Variants in ASPSCR1 observed in about 807,000 individuals in gnomAD.
The protein encoded by ASPSCR1 is tether containing UBX domain for GLUT4.
In ASPSCR1, 55 loss-of-function variants were observed where a neutral mutation model predicts 68.9. The ratio of observed to expected loss-of-function variants is 0.80; its 90% CI spans 0.64 to 1.00. ASPSCR1 has a LOEUF of 1.00. Among genes scored for constraint, ASPSCR1 ranks in the 50% least tolerant of loss-of-function variants. The probability of loss-of-function intolerance (pLI) is 0.00; values close to 1 mark genes in which losing one functional copy is unlikely to be tolerated. For synonymous variants in ASPSCR1, 352 were observed against 332.6 expected, an observed-to-expected ratio of 1.06 and a Z score of -0.63; for missense variants, 765 against 762.2, an observed-to-expected ratio of 1.00 and a Z score of -0.04.
intron 12 of ASPSCR1, 98 bp downstream of exon 12, chr17:82,012,381 G>T: frequency 1.4e-6 from 2 of 1,411,632 alleles, no homozygotes; most frequent in Non-Finnish European, 9.9e-7. Flanking sequence ...GGCCTGGCAG[G>T]CGCTGGGGCA....
chr17:82,014,833 T>G, intron 12 of ASPSCR1: 1 of 575,418 alleles, frequency 1.7e-6, no homozygotes. Flanking sequence ...GCGGCTGGAT[T>G]TGGGGCCCCA....
rs9901214 is a variant in ASPSCR1 at position 81,990,752 on chromosome 17, G to C, written c.375-4069G>C. Among the ~76,000 whole-genome samples the C allele has an allele frequency of 8.0e-4, 122 of 152,296 alleles. No homozygotes were observed. The highest frequency in any genetic ancestry group is 2.9e-3 in the African/African-American group (119 of 41,566). On this transcript the variant is annotated intron_variant, in intron 4 of 15. Coordinates refer to ENST00000306739, the MANE Select transcript of ASPSCR1 (RefSeq NM_024083.4). This position sits in a 1 kb window ranked among gnomAD's most constrained non-coding sequence, Gnocchi z 4.1. ...TCCTGGAGGCACCCGGAGGAGGAAA[G>C]GGAGTACCTTTCTGACCAGCATCTT...
chr17:81,992,288 C>T (rs575964833), intron 4 of ASPSCR1, among the ~76,000 whole-genome samples: 10 of 152,260 alleles, frequency 6.6e-5, no homozygotes, highest in East Asian at 5.8e-4. Flanking sequence ...GAATTTCCCC[C>T]GGGCCCTGGC....
rs1012792377 is a variant in ASPSCR1 at position 81,983,920 on chromosome 17, C to G, written c.273+252C>G. Among the ~76,000 whole-genome samples the G allele has an allele frequency of 6.6e-6, 1 of 151,514 alleles. No homozygotes were observed. Among genetic ancestry groups the G allele is most frequent in the African/African-American group, 2.4e-5 (1 of 41,190 alleles). ...TCGCCCAGGCTGGAGCTCAGTGGCG[C>G]AGTCTCGGCTCACTTCAAGCTCCGC... On this transcript the variant is annotated intron_variant, in intron 3 of 15. Coordinates refer to ENST00000306739, the MANE Select transcript of ASPSCR1 (RefSeq NM_024083.4). This position sits in a 1 kb window ranked among gnomAD's most constrained non-coding sequence, Gnocchi z 4.4.
Position 82,009,495 on chromosome 17 carries a change from G to A in ASPSCR1, c.1098G>A (p.Leu366=). Residue 366 remains leucine (L), a synonymous_variant, in exon 9 of 16, where the codon CTG becomes CTA. Coordinates refer to ENST00000306739, the MANE Select transcript of ASPSCR1 (RefSeq NM_024083.4). ...LAQLKSERKR[L]EEAPLVTKAF... ...CCCCTCCTCACCACAGGAAGCGCCT[G>A]GAAGAAGCCCCCTTGGTGACCAAGG... 3 of 1,580,804 alleles carry A rather than the reference G, an allele frequency of 1.9e-6. No individual in the cohort carries two copies. Among genetic ancestry groups the A allele is most frequent in the Non-Finnish European group, 2.6e-6 (3 of 1,163,474 alleles).
rs1241250779 is a variant in ASPSCR1 at position 81,986,010 on chromosome 17, C to T, written c.374+403C>T. ...AGGCAGGGTCTCACTATGTTGGTCACCTAGGCTGCTCTTGAACCCATGGGC... is the reference window on the plus strand; with the variant it reads ...AGGCAGGGTCTCACTATGTTGGTCATCTAGGCTGCTCTTGAACCCATGGGC... On this transcript the variant is annotated intron_variant, in intron 4 of 15. Transcript: ENST00000306739. This position sits in a 1 kb window ranked among gnomAD's most constrained non-coding sequence, Gnocchi z 5.2. 6.6e-6 allele frequency among the ~76,000 whole-genome samples: 1 copy of T among 152,084 alleles called. No homozygotes were observed. The highest frequency in any genetic ancestry group is 1.5e-5 in the Non-Finnish European group (1 of 68,018).
intron 4 of ASPSCR1, 62 bp from the exon 5 acceptor site, chr17:81,994,759 G>A: frequency 2.6e-6 from 4 of 1,539,568 alleles, no homozygotes; most frequent in Non-Finnish European, 3.6e-6. Context: ...CTGCCCCAGG[G>A]CCTCCGTGGC....
intron 8 of ASPSCR1, 125 bp from the exon 9 acceptor site, chr17:82,009,361 C>G: frequency 1.5e-6 from 2 of 1,357,698 alleles, no homozygotes; most frequent in East Asian, 2.5e-5. Context: ...GCGTCCAGAC[C>G]TTCCTGCCTT....
In ASPSCR1 at chr17:81,996,661, C is replaced by A; in HGVS notation, c.748C>A (p.Gln250Lys). The A allele has an allele frequency of 6.2e-7, 1 of 1,612,746 alleles. No homozygotes were observed. The highest frequency in any genetic ancestry group is 1.1e-5 in the South Asian group (1 of 91,050). The stretch of plus-strand genomic sequence containing the variant: ...CTTTGTTCCTTTCTCGGGTGGGGGA[C>A]AGAGACTGGGGGGCCCTCCTGGGCC... ...APFVPFSGGG[Q>K]RLGGPPGPTR... The change falls in exon 7 of 16, where the codon CAG becomes AAG. Residue 250 changes from glutamine to lysine, a missense_variant. Transcript: ENST00000306739.
intron 2 of ASPSCR1, among the ~76,000 whole-genome samples, chr17:81,980,073 C>T (rs2041749484): frequency 6.6e-6 from 1 of 152,224 alleles, no homozygotes; most frequent in Non-Finnish European, 1.5e-5. Flanking sequence ...ACCTCCACCT[C>T]CTAGGTTCAA....
chr17:81,986,503 T>G lies in ASPSCR1; in HGVS notation c.374+896T>G, dbSNP rs2041998047. Reference sequence around the variant, plus strand: ...CGGTTAATGGTTTAAACGTTGTTCCTGAATGTGTAAAAATTGGTGCTTTGT... The same window carrying G: ...CGGTTAATGGTTTAAACGTTGTTCCGGAATGTGTAAAAATTGGTGCTTTGT... On this transcript the variant is annotated intron_variant, in intron 4 of 15. Coordinates refer to ENST00000306739, the MANE Select transcript of ASPSCR1 (RefSeq NM_024083.4). This position sits in a 1 kb window ranked among gnomAD's most constrained non-coding sequence, Gnocchi z 5.2. Among the ~76,000 whole-genome samples the G allele has an allele frequency of 6.6e-6, 1 of 152,246 alleles. No individual in the cohort carries two copies. The highest frequency in any genetic ancestry group is 2.4e-5 in the African/African-American group (1 of 41,470).
At position 82,011,538 on chromosome 17, in the gene ASPSCR1, T is replaced by C. The variant is rs1413026286; in HGVS notation, c.1238-5T>C. On this transcript the variant is annotated splice_polypyrimidine_tract_variant and splice_region_variant and intron_variant, in intron 10 of 15. Coordinates refer to ENST00000306739, the MANE Select transcript of ASPSCR1 (RefSeq NM_024083.4). Reference sequence around the variant, plus strand: ...CTGTCTGTATGTTCTTTTTCTCCTCTGCAGTGGGGGACTTGCGAGACTTCG... The same window carrying C: ...CTGTCTGTATGTTCTTTTTCTCCTCCGCAGTGGGGGACTTGCGAGACTTCG... The C allele has an allele frequency of 6.3e-7, 1 of 1,580,710 alleles. No homozygotes were observed. The highest frequency in any genetic ancestry group is 8.6e-7 in the Non-Finnish European group (1 of 1,169,356).
chr17:81,999,732 C>T lies in ASPSCR1; in HGVS notation c.933+2886C>T, dbSNP rs1440425879. On this transcript the variant is annotated intron_variant, in intron 7 of 15. Transcript: ENST00000306739. The surrounding 1 kb of genome is among the most constrained non-coding windows in gnomAD (Gnocchi z 4.4). The stretch of plus-strand genomic sequence containing the variant: ...CACTCGTGCTACGTGTCCCGGAACT[C>T]AGGTGAGGTCAGGAGTTTGCTTCCT... Among the ~76,000 whole-genome samples, 1 of 152,200 alleles carries T rather than the reference C, an allele frequency of 6.6e-6. No individual in the cohort carries two copies. The highest frequency in any genetic ancestry group is 1.5e-5 in the Non-Finnish European group (1 of 68,026).
At chr17:81,995,531 T>A in intron 5 of ASPSCR1, 1 of 283,700 alleles carries the variant, frequency 3.5e-6, no homozygotes, top group East Asian at 1.0e-4. Flanking sequence ...AGGCAGCTTC[T>A]CCACCCCTTC....
chr17:81,984,456 A>G (rs2041897842), intron 3 of ASPSCR1, among the ~76,000 whole-genome samples: 1 of 152,070 alleles, frequency 6.6e-6, no homozygotes, highest in Admixed American at 6.6e-5. Flanking sequence ...GGATGCCTGT[A>G]GTCCCAGCTA....
rs2041859327 is a variant in ASPSCR1 at position 81,983,417 on chromosome 17, T to C, written c.159-137T>C. The C allele has an allele frequency of 1.4e-6, 1 of 695,516 alleles. No individual in the cohort carries two copies. Among genetic ancestry groups the C allele is most frequent in the Non-Finnish European group, 2.5e-6 (1 of 403,450 alleles). 43.1% of individuals were successfully genotyped at this position (695,516 alleles called of 1,614,324 possible). A position where few individuals can be genotyped will look rare whatever the true frequency, so the allele number is the denominator to read the frequency against. ...CTCTGCAGGTCATGACGTCCCGCTG[T>C]TGGGGAGCTGCCACAGGACGTGGAT... On this transcript the variant is annotated intron_variant, in intron 2 of 15. Transcript: ENST00000306739. The surrounding 1 kb of genome is among the most constrained non-coding windows in gnomAD (Gnocchi z 4.4).
chr17:81,977,648 TGGC>T lies in ASPSCR1; in HGVS notation c.6_8del (p.Ala3?), dbSNP rs1380862997. On this transcript the variant is annotated start_lost and inframe_deletion, in exon 1 of 16. Coordinates refer to ENST00000306739, the MANE Select transcript of ASPSCR1 (RefSeq NM_024083.4). The surrounding 1 kb of genome is among the most constrained non-coding windows in gnomAD (Gnocchi z 5.0). Reference sequence around the variant, plus strand: ...GGCGGCGGGTCACGTGAGCGGAAAATGGCGGCCCCGGCAGGCGGCGGAGGCTCC... The same window carrying T: ...GGCGGCGGGTCACGTGAGCGGAAAATGGCCCCGGCAGGCGGCGGAGGCTCC... 3 of 1,394,068 alleles carry T rather than the reference TGGC, an allele frequency of 2.2e-6. No homozygotes were observed. The highest frequency in any genetic ancestry group is 2.9e-5 in the South Asian group (2 of 68,522). The allele number at this position is 1,394,068 out of a possible 1,614,324, so 86.4% of individuals were successfully genotyped here. A position where few individuals can be genotyped will look rare whatever the true frequency, so the allele number is the denominator to read the frequency against.
intron 11 of ASPSCR1, chr17:82,012,023 C>A (rs551445050): frequency 1.5e-6 from 1 of 684,164 alleles, no homozygotes; most frequent in Non-Finnish European, 2.6e-6. Context: ...CGGGTGGTGT[C>A]CCCTGCAGGT....
At chr17:82,014,579 TGC>T in intron 12 of ASPSCR1, 1 of 165,262 alleles carries the variant, frequency 6.1e-6, no homozygotes. Flanking sequence ...GGCACGGTGG[TGC>T]CGCCTCCCTC....
Sources: gnomAD v4.1 joint callset for allele counts (sites outside exome capture counted in the v4.1 genomes callset) on GRCh38, gnomAD v4.1.1 for gene constraint, Gnocchi (gnomAD v3.1) non-coding constraint, MANE v1.5 for transcripts, NCBI Gene and HGNC (gene_info 2026-07-23, HGNC 2026-07-21) for gene names.